Variants in CUBN observed in about 807,000 individuals in gnomAD.
The protein encoded by CUBN is cubilin.
In CUBN, 282 loss-of-function variants were observed where a neutral mutation model predicts 405.3. The ratio of observed to expected loss-of-function variants is 0.70; its 90% CI spans 0.63 to 0.77. The LOEUF (loss-of-function observed/expected upper bound fraction) is 0.77, where lower values mean the gene tolerates loss of function less well. CUBN is among the 30% of genes least tolerant of loss of function. The pLI is 0.00. For missense variants in CUBN, 4,514 were observed against 4,475.2 expected, an observed-to-expected ratio of 1.01 and a Z score of -0.25; for synonymous variants, 1,684 against 1,617.0, an observed-to-expected ratio of 1.04 and a Z score of -0.99.
chr10:17,113,934 T>C lies in CUBN; in HGVS notation c.883+93A>G, dbSNP rs112237659. 7.0e-5 allele frequency: 87 copies of C among 1,244,384 alleles called. 3 individuals are homozygous for C. In the African/African-American group the frequency reaches 8.6e-4, roughly 12 times the overall value. The allele number at this position is 1,244,384 out of a possible 1,614,324, so 77.1% of individuals were successfully genotyped here. On this transcript the variant is annotated intron_variant, in intron 8 of 66. Transcript: ENST00000377833. Reference sequence around the variant, plus strand: ...ACTGGATTTGAACACCTCCTAAGAATTGTCTTCTTACTCATCAATAGTGAA... The same window carrying C: ...ACTGGATTTGAACACCTCCTAAGAACTGTCTTCTTACTCATCAATAGTGAA...
At chr10:16,935,180 A>G (rs1842464939) in intron 39 of CUBN, among the ~76,000 whole-genome samples, 1 of 151,792 alleles carries the variant, frequency 6.6e-6, no homozygotes. Flanking sequence ...CTATTTATGT[A>G]TTTATTTTTA....
At chr10:16,965,826 A>G (rs1021471735) in intron 31 of CUBN, 4 of 351,224 alleles carry the variant, frequency 1.1e-5, no homozygotes, top group African/African-American at 2.3e-5. Flanking sequence ...GTACTTAAAT[A>G]CATTTGTTTA....
At chr10:16,905,414 T>C (rs1210830586) in intron 50 of CUBN, among the ~76,000 whole-genome samples, 1 of 152,214 alleles carries the variant, frequency 6.6e-6, no homozygotes, top group African/African-American at 2.4e-5. Context: ...AATGACTGCT[T>C]TGGGGTTATT....
chr10:17,117,710 G>A (rs540216054), intron 6 of CUBN, among the ~76,000 whole-genome samples: 20 of 152,132 alleles, frequency 1.3e-4, no homozygotes, highest in Non-Finnish European at 2.2e-4. Flanking sequence ...GATTACAGGC[G>A]TGAGCCACCG....
chr10:16,829,630 T>G lies in CUBN; in HGVS notation c.10529-590A>C, dbSNP rs113639492. Among the ~76,000 whole-genome samples the G allele has an allele frequency of 7.0e-3, 1,072 of 152,312 alleles. 17 individuals carry two copies. Among genetic ancestry groups the G allele is most frequent in the African/African-American group, 0.024 (1,010 of 41,572 alleles). ...TGTTAATTTGTTCAATTTGTTAATC[T>G]GTATATGAAGGCTGTCATGATTTAG... is the stretch of plus-strand genomic sequence containing the variant. On this transcript the variant is annotated intron_variant, in intron 65 of 66. Transcript: ENST00000377833.
chr10:16,871,416 A>G (rs921614354), intron 58 of CUBN, among the ~76,000 whole-genome samples: 3 of 149,246 alleles, frequency 2.0e-5, no homozygotes, highest in Non-Finnish European at 3.0e-5. Context: ...TATAGACTAA[A>G]TAATATATAT....
chr10:17,087,862 G>A (rs1836158489), intron 15 of CUBN, among the ~76,000 whole-genome samples: 1 of 152,102 alleles, frequency 6.6e-6, no homozygotes, highest in Non-Finnish European at 1.5e-5. Flanking sequence ...TGAAGGAGAT[G>A]GCTATTACTG....
intron 58 of CUBN, among the ~76,000 whole-genome samples, chr10:16,873,636 C>G (rs1469879796): frequency 1.3e-5 from 2 of 150,548 alleles, no homozygotes; most frequent in Non-Finnish European, 2.9e-5. Flanking sequence ...GTAGGAGAAT[C>G]TCTTGAACCT....
chr10:17,086,396 C>T (rs1836110295), intron 15 of CUBN, among the ~76,000 whole-genome samples: 1 of 151,880 alleles, frequency 6.6e-6, no homozygotes, highest in African/African-American at 2.4e-5. Flanking sequence ...TGAATATAAG[C>T]AAAGAAAACA....
intron 54 of CUBN, among the ~76,000 whole-genome samples, chr10:16,891,907 C>T (rs544348986): frequency 1.7e-4 from 26 of 152,156 alleles, no homozygotes; most frequent in Middle Eastern, 3.4e-3. Flanking sequence ...ACCCAATATG[C>T]CCTTTCTATC....
intron 38 of CUBN, among the ~76,000 whole-genome samples, 154 bp from the exon 39 acceptor site, chr10:16,937,938 G>T (rs147468195): frequency 6.6e-6 from 1 of 152,206 alleles, no homozygotes; most frequent in African/African-American, 2.4e-5. Flanking sequence ...AACACATACT[G>T]CCAGAGAATA....
In CUBN at chr10:16,907,625, C is replaced by T; in HGVS notation, c.7588G>A (p.Val2530Met). ...GATTTAATCTCATTGCTTACATTCA[C>T]ACTACTACACAGTTTCTCTAGCTGG... Reference protein sequence around the residue: ...SPQLEKLCSSVNVSNEIKSSG... With the variant: ...SPQLEKLCSSMNVSNEIKSSG... The change falls in exon 49 of 67, where the codon GTG (valine) becomes ATG (methionine). Residue 2530 changes from valine (V) to methionine (M), a missense_variant. By Grantham distance (21) the Val-to-Met change is conservative (BLOSUM62 1). Around this residue, in one of 5 missense-constraint regions of CUBN, gnomAD observed 1,613 missense variants for 1,542.8 expected, o/e 1.05. Coordinates refer to ENST00000377833, the MANE Select transcript of CUBN (RefSeq NM_001081.4). 6.2e-7 allele frequency: 1 copy of T among 1,612,854 alleles called. No individual in the cohort carries two copies. Among genetic ancestry groups the T allele is most frequent in the African/African-American group, 1.3e-5 (1 of 75,006 alleles).
intron 15 of CUBN, among the ~76,000 whole-genome samples, chr10:17,087,132 A>G (rs1054165694): frequency 1.6e-5 from 2 of 127,664 alleles, no homozygotes. Flanking sequence ...GAATAATTGC[A>G]TTGACTCTAT....
At chr10:16,993,919 C>A (rs1833661089) in intron 28 of CUBN, among the ~76,000 whole-genome samples, 1 of 152,156 alleles carries the variant, frequency 6.6e-6, no homozygotes. Flanking sequence ...TTTTCTCCTT[C>A]ATGCTCTCAC....
At chr10:16,856,288 G>C (rs575551991) in intron 59 of CUBN, among the ~76,000 whole-genome samples, 2 of 152,102 alleles carry the variant, frequency 1.3e-5, no homozygotes, top group African/African-American at 4.8e-5. Context: ...AGGTGTGTCA[G>C]TCACTCTCTG....
intron 64 of CUBN, among the ~76,000 whole-genome samples, chr10:16,833,881 GA>G (rs372264630): frequency 2.0e-5 from 3 of 151,624 alleles, no homozygotes; most frequent in East Asian, 1.9e-4. Context: ...GAGGCAGTGA[GA>G]AAAAAAATAA....
intron 54 of CUBN, among the ~76,000 whole-genome samples, chr10:16,894,988 G>T (rs192296902): frequency 6.6e-6 from 1 of 152,208 alleles, no homozygotes; most frequent in Admixed American, 6.5e-5. Flanking sequence ...GGAAAGAATG[G>T]ACGATTGAGG....
chr10:17,008,524 C>T (rs549391772), intron 28 of CUBN, among the ~76,000 whole-genome samples: 4 of 150,948 alleles, frequency 2.6e-5, no homozygotes, highest in East Asian at 2.0e-4. Context: ...TGTTTCTCTT[C>T]GACTCAGTTC....
chr10:17,067,132 A>G (rs1226574165), intron 21 of CUBN, among the ~76,000 whole-genome samples: 1 of 152,312 alleles, frequency 6.6e-6, no homozygotes, highest in East Asian at 1.9e-4. Flanking sequence ...TTACCCAGAC[A>G]TGAAAAGACG....
Sources: allele counts gnomAD v4.1 joint callset (sites outside exome capture counted in the v4.1 genomes callset), GRCh38; gene constraint gnomAD v4.1.1; regional missense constraint gnomAD v4.1.1; transcripts MANE v1.5; gene names NCBI Gene and HGNC (gene_info 2026-07-23, HGNC 2026-07-21).